The following TBC1D1 variants were observed in gnomAD, a reference collection of about 807,000 sequenced individuals.
TBC1D1 encodes TBC1 domain family member 1.
In TBC1D1, 89 loss-of-function variants were observed where a neutral mutation model predicts 125.6. The ratio of observed to expected loss-of-function variants is 0.71; its 90% CI spans 0.60 to 0.85. TBC1D1 has a LOEUF of 0.85. Ranked by LOEUF, TBC1D1 falls within the 40% of genes least tolerant of loss-of-function variation. The probability of loss-of-function intolerance (pLI) is 0.00; values close to 1 mark genes in which losing one functional copy is unlikely to be tolerated. For synonymous variants in TBC1D1, 565 were observed against 564.1 expected (o/e 1.00, Z -0.02); for missense variants, 1,377 against 1,469.2 (o/e 0.94, Z 1.03).
chr4:38,019,322 G>A (rs1743498658), intron 4 of TBC1D1, among the ~76,000 whole-genome samples: 1 of 152,100 alleles, frequency 6.6e-6, no homozygotes, highest in South Asian at 2.1e-4. Flanking sequence ...ATTGAATAGG[G>A]AACCATTTAC....
At chr4:38,093,765 T>G (rs1758856445) in intron 13 of TBC1D1, among the ~76,000 whole-genome samples, 1 of 152,114 alleles carries the variant, frequency 6.6e-6, no homozygotes, top group Non-Finnish European at 1.5e-5. Context: ...ACTCCTGACC[T>G]CAGGTAATCC....
chr4:38,089,453 C>G (rs895840744), intron 12 of TBC1D1, among the ~76,000 whole-genome samples: 1 of 152,182 alleles, frequency 6.6e-6, no homozygotes, highest in Admixed American at 6.5e-5. Flanking sequence ...CGACTCCTTC[C>G]TAGCTATGTG....
At chr4:38,002,447 A>G (rs1190362009) in intron 2 of TBC1D1, among the ~76,000 whole-genome samples, 4 of 152,234 alleles carry the variant, frequency 2.6e-5, no homozygotes, top group Non-Finnish European at 5.9e-5. Flanking sequence ...TATGCCCACT[A>G]TGCTCAGGCA....
chr4:38,058,448 CCTGGGCGG>C (rs1414635835), intron 12 of TBC1D1, among the ~76,000 whole-genome samples: 2 of 152,242 alleles, frequency 1.3e-5, no homozygotes. Flanking sequence ...TCCTGATTTG[CCTGGGCGG>C]CTGAGCCATG....
At chr4:38,028,306 C>T (rs1406355457) in intron 7 of TBC1D1, among the ~76,000 whole-genome samples, 2 of 152,322 alleles carry the variant, frequency 1.3e-5, no homozygotes, top group East Asian at 1.9e-4. Flanking sequence ...GCTGGGATTA[C>T]AGGAGCACGC....
intron 18 of TBC1D1, among the ~76,000 whole-genome samples, chr4:38,128,187 CA>C (rs1274296080): frequency 6.6e-6 from 1 of 152,118 alleles, no homozygotes; most frequent in Non-Finnish European, 1.5e-5. Flanking sequence ...ATCGGGAGCA[CA>C]AAAATTTGCA....
chr4:38,033,707 T>C (rs1009295501), intron 7 of TBC1D1, among the ~76,000 whole-genome samples: 4 of 152,192 alleles, frequency 2.6e-5, no homozygotes, highest in African/African-American at 9.7e-5. Flanking sequence ...GTTCTGCCTG[T>C]TCTCCCACCT....
intron 2 of TBC1D1, among the ~76,000 whole-genome samples, chr4:37,973,675 A>C (rs1273416860): frequency 6.6e-6 from 1 of 152,168 alleles, no homozygotes; most frequent in Middle Eastern, 3.2e-3. Context: ...TCACATCAAA[A>C]CTATGTTGTT....
At chr4:38,105,179 C>G (rs1761091830) in intron 15 of TBC1D1, among the ~76,000 whole-genome samples, 1 of 152,162 alleles carries the variant, frequency 6.6e-6, no homozygotes. Flanking sequence ...CCCACACTCT[C>G]CCCATGGTGC....
At position 38,014,680 on chromosome 4, in the gene TBC1D1, A is replaced by C; in HGVS notation, c.589A>C (p.Ile197Leu). The change falls in exon 3 of 20, where the codon ATC becomes CTC. Residue 197 changes from isoleucine to leucine, a missense_variant. Physicochemically the swap from Ile to Leu is conservative, Grantham distance 5. Coordinates refer to ENST00000261439, the MANE Select transcript of TBC1D1 (RefSeq NM_015173.4). This position sits in a 1 kb window ranked among gnomAD's most constrained non-coding sequence, Gnocchi z 5.1. ...TCCGCCGGCCCTGATCGACGAGTGC[A>C]TCGAGAAGTTCAATCACGTCAGCGG... is the stretch of plus-strand genomic sequence containing the variant. 1 of 1,613,156 alleles carries C rather than the reference A, an allele frequency of 6.2e-7. No individual in the cohort carries two copies. The highest frequency in any genetic ancestry group is 8.5e-7 in the Non-Finnish European group (1 of 1,180,008).
intron 2 of TBC1D1, among the ~76,000 whole-genome samples, chr4:37,913,658 T>A (rs1334413909): frequency 6.6e-6 from 1 of 151,602 alleles, no homozygotes. Flanking sequence ...TGTGTGTATA[T>A]ATATATATAG....
intron 2 of TBC1D1, chr4:37,960,659 A>C (rs1729818080): frequency 1.4e-5 from 23 of 1,614,230 alleles, no homozygotes; most frequent in Non-Finnish European, 1.9e-5. Context: ...AAAAGTCAGT[A>C]AAGACCAATG....
chr4:38,037,645 G>A (rs1167575476), intron 8 of TBC1D1, among the ~76,000 whole-genome samples: 1 of 152,226 alleles, frequency 6.6e-6, no homozygotes. Flanking sequence ...AATGTGGGAA[G>A]ATGTGACATA....
chr4:38,039,104 CTTTTTTTTTTTTT>C (rs776941680), intron 8 of TBC1D1, among the ~76,000 whole-genome samples: 23 of 51,582 alleles, frequency 4.5e-4, no homozygotes, highest in South Asian at 1.0e-3. Flanking sequence ...GCATCATACT[CTTTTTTTTTTTTT>C]TTTTTTTTTT....
intron 2 of TBC1D1, 84 bp downstream of exon 2, chr4:37,902,596 A>C: frequency 9.1e-7 from 1 of 1,102,942 alleles, no homozygotes; most frequent in Non-Finnish European, 1.3e-6. Flanking sequence ...TTTTAAGTAT[A>C]CTGAAATGAA....
At chr4:38,016,752 C>T (rs752751099) in intron 3 of TBC1D1, among the ~76,000 whole-genome samples, 27 of 152,204 alleles carry the variant, frequency 1.8e-4, no homozygotes, top group Non-Finnish European at 3.1e-4. Flanking sequence ...AGAGATGGGG[C>T]TGGGACTGGA....
chr4:37,979,904 C>G (rs1188906046), intron 2 of TBC1D1, among the ~76,000 whole-genome samples: 2 of 152,228 alleles, frequency 1.3e-5, no homozygotes, highest in Non-Finnish European at 2.9e-5. Flanking sequence ...CTCAGCCTCC[C>G]GAGTAGCTGG....
At chr4:38,119,393 G>T (rs1763493529) in intron 17 of TBC1D1, among the ~76,000 whole-genome samples, 1 of 151,080 alleles carries the variant, frequency 6.6e-6, no homozygotes, top group Non-Finnish European at 1.5e-5. Flanking sequence ...TTTACTATAA[G>T]AATTCATATT....
At chr4:38,109,216 A>G (rs150987559) in intron 15 of TBC1D1, among the ~76,000 whole-genome samples, 50 of 152,346 alleles carry the variant, frequency 3.3e-4, no homozygotes, top group African/African-American at 1.1e-3. Flanking sequence ...CAGTTGAACA[A>G]TCACAGTTGA....
Sources: allele counts gnomAD v4.1 joint callset (sites outside exome capture counted in the v4.1 genomes callset), GRCh38; gene constraint gnomAD v4.1.1; non-coding constraint Gnocchi (gnomAD v3.1); transcripts MANE v1.5; gene names NCBI Gene and HGNC (gene_info 2026-07-23, HGNC 2026-07-21).